Variants in EIF1AD observed in about 807,000 individuals in gnomAD.
The protein encoded by EIF1AD is probable RNA-binding protein EIF1AD.
EIF1AD carries 9 observed loss-of-function variants against 21.7 expected under a neutral mutation model. That is an observed-to-expected ratio of 0.41 (90% CI 0.25 to 0.72). The LOEUF (loss-of-function observed/expected upper bound fraction) is 0.72, where lower values mean the gene tolerates loss of function less well. Ranked by LOEUF, EIF1AD falls within the 30% of genes least tolerant of loss-of-function variation. EIF1AD has a pLI of 0.29. For missense variants in EIF1AD, 164 were observed against 199.7 expected (o/e 0.82, Z 1.08); for synonymous variants, 78 against 70.9 (o/e 1.10, Z -0.50).
rs1855742647 is a variant in EIF1AD at position 65,996,884 on chromosome 11, C to T, written c.*1715G>A. The stretch of plus-strand genomic sequence containing the variant: ...AATACTCAACAACACAAATACCCGA[C>T]CAAAGTCTTTAAGAAAGCAAAAGAG... On this transcript the variant is annotated 3_prime_UTR_variant, in exon 6 of 6. Transcript: ENST00000533544. The T allele has an allele frequency of 1.3e-5, 2 of 152,156 alleles. No homozygotes were observed. Among genetic ancestry groups the T allele is most frequent in the South Asian group, 4.1e-4 (2 of 4,832 alleles). 9.4% of individuals were successfully genotyped at this position (152,156 alleles called of 1,614,324 possible). A position where few individuals can be genotyped will look rare whatever the true frequency, so the allele number is the denominator to read the frequency against.
rs1855773109 is a variant in EIF1AD, at chr11:65,997,519, T to TA, written c.*1079dup. 1 of 152,138 alleles carries TA rather than the reference T, an allele frequency of 6.6e-6. No individual in the cohort carries two copies. The highest frequency in any genetic ancestry group is 2.1e-4 in the South Asian group (1 of 4,816). The allele number at this position is 152,138 out of a possible 1,614,324, so 9.4% of individuals were successfully genotyped here. On this transcript the variant is annotated 3_prime_UTR_variant, in exon 6 of 6. Coordinates refer to ENST00000533544, the MANE Select transcript of EIF1AD (RefSeq NM_001242481.2). ...ACTACCACAAGGGGGAATTGATAGATAAGACAGAAGTTTTGAAACAGACAT... is the reference window on the plus strand; with the variant it reads ...ACTACCACAAGGGGGAATTGATAGATAAAGACAGAAGTTTTGAAACAGACAT...
rs188324805 is a variant in EIF1AD at position 65,998,008 on chromosome 11, G to A, written c.*591C>T. 2 of 152,712 alleles carry A rather than the reference G, an allele frequency of 1.3e-5. No individual in the cohort carries two copies. Among genetic ancestry groups the A allele is most frequent in the Non-Finnish European group, 2.9e-5 (2 of 68,402 alleles). 9.5% of individuals were successfully genotyped at this position (152,712 alleles called of 1,614,324 possible). A position where few individuals can be genotyped will look rare whatever the true frequency, so the allele number is the denominator to read the frequency against. On this transcript the variant is annotated 3_prime_UTR_variant, in exon 6 of 6. Coordinates refer to ENST00000533544, the MANE Select transcript of EIF1AD (RefSeq NM_001242481.2). ...GTGATAGATGGTGCAGAGTGGGAGAGATGAGGTCGTATGTGGGGATGGACA... is the reference window on the plus strand; with the variant it reads ...GTGATAGATGGTGCAGAGTGGGAGAAATGAGGTCGTATGTGGGGATGGACA...
At position 66,000,333 on chromosome 11, in the gene EIF1AD, T is replaced by TA; in HGVS notation, c.56dup (p.Val20SerfsTer21). 6.2e-7 allele frequency: 1 copy of TA among 1,613,476 alleles called. No individual in the cohort carries two copies. Among genetic ancestry groups the TA allele is most frequent in the Non-Finnish European group, 8.5e-7 (1 of 1,179,702 alleles). On this transcript the variant is annotated frameshift_variant, in exon 2 of 6. Transcript: ENST00000533544. LOFTEE classifies it high-confidence loss of function. Reference sequence around the variant, plus strand: ...CAATCTGCTGCTGGTCGGAGGGCACTATGTGCTCCCCTAGCACCTCCTTCA... The same window carrying TA: ...CAATCTGCTGCTGGTCGGAGGGCACTAATGTGCTCCCCTAGCACCTCCTTCA...
In EIF1AD at chr11:65,997,238, A is replaced by T. The variant is rs1855756096; in HGVS notation, c.*1361T>A. On this transcript the variant is annotated 3_prime_UTR_variant, in exon 6 of 6. Coordinates refer to ENST00000533544, the MANE Select transcript of EIF1AD (RefSeq NM_001242481.2). ...GCTACTCGGGAGGCTGAGGCAGGAG[A>T]GTTACTTGAACCCAGTAGGTGAAGG... 1.4e-5 allele frequency: 2 copies of T among 147,246 alleles called. No individual in the cohort carries two copies. Among genetic ancestry groups the T allele is most frequent in the South Asian group, 4.5e-4 (2 of 4,440 alleles). The allele number at this position is 147,246 out of a possible 1,614,324, so 9.1% of individuals were successfully genotyped here.
At chr11:66,000,772 G>A (rs912417975) in intron 1 of EIF1AD, 16 of 182,044 alleles carry the variant, frequency 8.8e-5, no homozygotes, top group African/African-American at 3.5e-4. Flanking sequence ...ACAGAAGTAA[G>A]ATAAATAGCT....
At chr11:65,999,545 A>G (rs527977105) in intron 4 of EIF1AD, 22 bp downstream of exon 4, 1 of 1,603,690 alleles carries the variant, frequency 6.2e-7, no homozygotes, top group African/African-American at 1.3e-5. Context: ...CCAGACAGCC[A>G]ATGATCAAGG....
In EIF1AD at chr11:65,997,532, T is replaced by C. The variant is rs1855773779; in HGVS notation, c.*1067A>G. On this transcript the variant is annotated 3_prime_UTR_variant, in exon 6 of 6. Coordinates refer to ENST00000533544, the MANE Select transcript of EIF1AD (RefSeq NM_001242481.2). ...GGAATTGATAGATAAGACAGAAGTT[T>C]TGAAACAGACATCCCAGAGTAGATC... 6.6e-6 allele frequency: 1 copy of C among 152,198 alleles called. No homozygotes were observed. Among genetic ancestry groups the C allele is most frequent in the Admixed American group, 6.5e-5 (1 of 15,270 alleles). 9.4% of individuals were successfully genotyped at this position (152,198 alleles called of 1,614,324 possible). A position where few individuals can be genotyped will look rare whatever the true frequency, so the allele number is the denominator to read the frequency against.
Position 65,999,652 on chromosome 11 carries a change from T to C in EIF1AD, c.220A>G (p.Ile74Val). The change falls in exon 4 of 6, where the codon ATT becomes GTT. Residue 74 changes from isoleucine (I) to valine (V), a missense_variant. Physicochemically the swap from Ile to Val is conservative, Grantham distance 29. Transcript: ENST00000533544. ...KRGDFLIVDP[I>V]EEGEKVKAEI... Reference sequence around the variant, plus strand: ...GCCTTCACCTTTTCTCCCTCTTCAATGGGGTCAACAATGAGAAAGTCCCCT... The same window carrying C: ...GCCTTCACCTTTTCTCCCTCTTCAACGGGGTCAACAATGAGAAAGTCCCCT... 1.2e-6 allele frequency: 2 copies of C among 1,613,928 alleles called. No homozygotes were observed. The highest frequency in any genetic ancestry group is 1.7e-6 in the Non-Finnish European group (2 of 1,179,872).
In EIF1AD at chr11:65,998,342, C is replaced by G. The variant is rs527244564; in HGVS notation, c.*257G>C. ...ATTTCCTCCCCATTCAGCCCACCCACCCACAAGGTCTCTAATAAATAGGGA... is the reference window on the plus strand; with the variant it reads ...ATTTCCTCCCCATTCAGCCCACCCAGCCACAAGGTCTCTAATAAATAGGGA... On this transcript the variant is annotated 3_prime_UTR_variant, in exon 6 of 6. Transcript: ENST00000533544. 5.6e-4 allele frequency: 156 copies of G among 278,622 alleles called. No individual in the cohort carries two copies. The highest frequency in any genetic ancestry group is 3.3e-3 in the African/African-American group (152 of 45,432). 17.3% of individuals were successfully genotyped at this position (278,622 alleles called of 1,614,324 possible).
chr11:65,998,772 C>T (rs1855823731), intron 5 of EIF1AD, 29 bp from the exon 6 acceptor site: 8 of 1,601,054 alleles, frequency 5.0e-6, no homozygotes, highest in East Asian at 2.2e-5. Flanking sequence ...GCAGGGTTAG[C>T]CCAGCGCCTT....
In EIF1AD at chr11:65,998,745, T is replaced by C. The variant is rs1224916944; in HGVS notation, c.354-2A>G. 3 of 1,614,060 alleles carry C rather than the reference T, an allele frequency of 1.9e-6. No homozygotes were observed. Among genetic ancestry groups the C allele is most frequent in the Non-Finnish European group, 1.7e-6 (2 of 1,179,964 alleles). ...GCTGGGAGTTCTGGTTGAGTTTGTCTGCACGAAGGGAAGAGAGCAGGGTTA... is the reference window on the plus strand; with the variant it reads ...GCTGGGAGTTCTGGTTGAGTTTGTCCGCACGAAGGGAAGAGAGCAGGGTTA... On this transcript the variant is annotated splice_acceptor_variant, in intron 5 of 5. Transcript: ENST00000533544. LOFTEE classifies it high-confidence loss of function.
At chr11:65,999,984 G>A (rs1855879510) in intron 3 of EIF1AD, 69 bp downstream of exon 3, 9 of 1,268,910 alleles carry the variant, frequency 7.1e-6, no homozygotes, top group Non-Finnish European at 1.0e-5. Context: ...ATGCTGCCCA[G>A]GCTGGTCTCA....
At chr11:66,001,471 CAAAAA>C (rs397944986) in intron 1 of EIF1AD, among the ~76,000 whole-genome samples, 3 of 79,470 alleles carry the variant, frequency 3.8e-5, no homozygotes, top group South Asian at 4.6e-4. Context: ...GACTCCGTCT[CAAAAA>C]AAAAAAAAAA....
chr11:66,001,472 A>C (rs1855962893), intron 1 of EIF1AD, among the ~76,000 whole-genome samples: 1 of 30,076 alleles, frequency 3.3e-5, no homozygotes, highest in Non-Finnish European at 1.0e-4. Context: ...ACTCCGTCTC[A>C]AAAAAAAAAA....
rs769649602 is a variant in EIF1AD, at chr11:66,000,327, G to T, written c.63C>A (p.Pro21=). 9.3e-6 allele frequency: 15 copies of T among 1,613,538 alleles called. No individual in the cohort carries two copies. The highest frequency in any genetic ancestry group is 1.3e-5 in the African/African-American group (1 of 75,020). ...CCCTGACAATCTGCTGCTGGTCGGA[G>T]GGCACTATGTGCTCCCCTAGCACCT... The part of the protein sequence containing the change: ...VKEVLGEHIV[P]SDQQQIVRVL... Residue 21 remains proline (P), a synonymous_variant, in exon 2 of 6, where the codon CCC becomes CCA. Coordinates refer to ENST00000533544, the MANE Select transcript of EIF1AD (RefSeq NM_001242481.2).
At position 65,999,930 on chromosome 11, in the gene EIF1AD, G is replaced by A. The variant is rs191359523; in HGVS notation, c.196+123C>T. 3.2e-5 allele frequency: 24 copies of A among 752,532 alleles called. No individual in the cohort carries two copies. In the Admixed American group the frequency reaches 3.8e-4, roughly 12 times the overall value. 46.6% of individuals were successfully genotyped at this position (752,532 alleles called of 1,614,324 possible). A position where few individuals can be genotyped will look rare whatever the true frequency, so the allele number is the denominator to read the frequency against. On this transcript the variant is annotated intron_variant, in intron 3 of 5. Transcript: ENST00000533544. ...CCTGAGTAGCTGGGATCACAGGCAC[G>A]TGCCCAACTAATTTTTTTCTTTTTG...
At position 65,998,443 on chromosome 11, in the gene EIF1AD, A is replaced by G. The variant is rs1855810894; in HGVS notation, c.*156T>C. The G allele has an allele frequency of 1.1e-6, 1 of 908,790 alleles. No homozygotes were observed. The highest frequency in any genetic ancestry group is 1.6e-6 in the Non-Finnish European group (1 of 634,508). The allele number at this position is 908,790 out of a possible 1,614,324, so 56.3% of individuals were successfully genotyped here. On this transcript the variant is annotated 3_prime_UTR_variant, in exon 6 of 6. Transcript: ENST00000533544. The stretch of plus-strand genomic sequence containing the variant: ...CACCAGAACAAGTCACCAACCCACC[A>G]GGGGTTTAATTCTCTGAATCAAAAG...
At position 65,999,672 on chromosome 11, in the gene EIF1AD, T is replaced by C. The variant is rs767410671; in HGVS notation, c.200A>G (p.Asp67Gly). The C allele has an allele frequency of 6.2e-7, 1 of 1,611,876 alleles. No individual in the cohort carries two copies. Among genetic ancestry groups the C allele is most frequent in the Non-Finnish European group, 8.5e-7 (1 of 1,178,090 alleles). ...TTCAATGGGGTCAACAATGAGAAAGTCCCCTGTAGATAAGAAGAGAAAAGG... is the reference window on the plus strand; with the variant it reads ...TTCAATGGGGTCAACAATGAGAAAGCCCCCTGTAGATAAGAAGAGAAAAGG... ...YRKNIWIKRG[D>G]FLIVDPIEEG... is the part of the protein sequence containing the mutation. Residue 67 changes from aspartate (D) to glycine (G), a missense_variant, in exon 4 of 6, where the codon GAC (aspartate) becomes GGC (glycine). Coordinates refer to ENST00000533544, the MANE Select transcript of EIF1AD (RefSeq NM_001242481.2).
Position 65,999,575 on chromosome 11 carries a change from C to G in EIF1AD, c.297G>C (p.Glu99Asp), listed in dbSNP as rs1255298636. 6.2e-7 allele frequency: 1 copy of G among 1,613,424 alleles called. No individual in the cohort carries two copies. Among genetic ancestry groups the G allele is most frequent in the African/African-American group, 1.3e-5 (1 of 75,060 alleles). ...CKDHVRSLQK[E>D]GFWPEAFSEV... is the part of the protein sequence containing the mutation. Reference sequence around the variant, plus strand: ...TCAAGGGGACCACCTACCAAAACCCCTCCTTCTGCAGAGAGCGCACGTGGT... The same window carrying G: ...TCAAGGGGACCACCTACCAAAACCCGTCCTTCTGCAGAGAGCGCACGTGGT... The change falls in exon 4 of 6, where the codon GAG becomes GAC. Residue 99 changes from glutamate to aspartate, a missense_variant. By Grantham distance (45) the Glu-to-Asp change is conservative. Transcript: ENST00000533544.
Sources: allele counts gnomAD v4.1 joint callset (sites outside exome capture counted in the v4.1 genomes callset), GRCh38; gene constraint gnomAD v4.1.1; transcripts MANE v1.5; gene names NCBI Gene and HGNC (gene_info 2026-07-23, HGNC 2026-07-21).